USP46: variants seen among roughly 807,000 people sequenced by gnomAD.
The protein encoded by USP46 is ubiquitin carboxyl-terminal hydrolase 46.
USP46 carries 12 observed loss-of-function variants against 44.4 expected under a neutral mutation model. That is an observed-to-expected ratio of 0.27 (90% CI 0.17 to 0.44). The LOEUF is 0.44. USP46 is among the 20% of genes least tolerant of loss of function. USP46 has a pLI of 1.00. For missense variants in USP46, 248 were observed against 444.8 expected, an observed-to-expected ratio of 0.56 and a Z score of 3.98; for synonymous variants, 155 against 161.5, an observed-to-expected ratio of 0.96 and a Z score of 0.31.
At chr4:52,625,072 T>C (rs548588156) in intron 4 of USP46, among the ~76,000 whole-genome samples, 41 of 152,310 alleles carry the variant, frequency 2.7e-4, no homozygotes, top group Middle Eastern at 3.4e-3. Flanking sequence ...CTTATAGAAT[T>C]TTCCATACAA....
At position 52,610,634 on chromosome 4, in the gene USP46, A is replaced by C; in HGVS notation, c.562-17T>G. 1 of 1,612,176 alleles carries C rather than the reference A, an allele frequency of 6.2e-7. No homozygotes were observed. The highest frequency in any genetic ancestry group is 8.5e-7 in the Non-Finnish European group (1 of 1,178,562). On this transcript the variant is annotated splice_polypyrimidine_tract_variant and intron_variant, in intron 4 of 8. Transcript: ENST00000441222. The stretch of plus-strand genomic sequence containing the variant: ...GCTACTAACCTGAAACAAAAAACAG[A>C]AACAATATATTAGGCATGAAATATG...
intron 4 of USP46, among the ~76,000 whole-genome samples, chr4:52,611,566 G>A (rs948055582): frequency 6.6e-6 from 1 of 152,174 alleles, no homozygotes; most frequent in African/African-American, 2.4e-5. Context: ...ATTCAGAGAT[G>A]TGAATACACT....
In USP46 at chr4:52,591,758, G is replaced by C. The variant is rs145505334; in HGVS notation, c.*5882C>G. ...CCTTAAAAAGCAAACAAAGGCTGATGCACCAATAAATCGCTTATGCCCTAT... is the reference window on the plus strand; with the variant it reads ...CCTTAAAAAGCAAACAAAGGCTGATCCACCAATAAATCGCTTATGCCCTAT... On this transcript the variant is annotated 3_prime_UTR_variant, in exon 9 of 9. Coordinates refer to ENST00000441222, the MANE Select transcript of USP46 (RefSeq NM_022832.4). 44 of 152,250 alleles carry C rather than the reference G, an allele frequency of 2.9e-4. No individual in the cohort carries two copies. The highest frequency in any genetic ancestry group is 1.1e-3 in the African/African-American group (44 of 41,534). 9.4% of individuals were successfully genotyped at this position (152,250 alleles called of 1,614,324 possible). A position where few individuals can be genotyped will look rare whatever the true frequency, so the allele number is the denominator to read the frequency against.
intron 6 of USP46, 37 bp from the exon 7 acceptor site, chr4:52,602,091 A>G (rs1461339297): frequency 1.3e-6 from 2 of 1,590,136 alleles, no homozygotes; most frequent in South Asian, 2.3e-5. Flanking sequence ...GTTGTACCCA[A>G]CACCTATTAG....
chr4:52,607,942 GTATT>G (rs1469511084), intron 5 of USP46, among the ~76,000 whole-genome samples: 1 of 152,138 alleles, frequency 6.6e-6, no homozygotes, highest in African/African-American at 2.4e-5. Context: ...CCAATCTCGG[GTATT>G]TATTTATAGC....
intron 1 of USP46, among the ~76,000 whole-genome samples, chr4:52,632,111 G>C (rs999988700): frequency 6.6e-6 from 1 of 152,028 alleles, no homozygotes; most frequent in Non-Finnish European, 1.5e-5. Flanking sequence ...CCCATTGCAC[G>C]GACAAGGAAC....
chr4:52,631,918 A>T (rs1423168396), intron 1 of USP46, among the ~76,000 whole-genome samples: 3 of 152,022 alleles, frequency 2.0e-5, no homozygotes, highest in African/African-American at 7.2e-5. Flanking sequence ...AGACATGAGA[A>T]CTGCTTGAAC....
chr4:52,622,400 T>C (rs1000092592), intron 4 of USP46, among the ~76,000 whole-genome samples: 2 of 152,240 alleles, frequency 1.3e-5, no homozygotes, highest in Non-Finnish European at 2.9e-5. Flanking sequence ...GACCAGGCTT[T>C]ACTATAAATC....
rs66817554 is a variant in USP46, at chr4:52,609,898, C to CTTTTTTTTTTTTTTTTTTTTTTT, written c.638+620_638+642dup. 8.1e-5 allele frequency among the ~76,000 whole-genome samples: 2 copies of CTTTTTTTTTTTTTTTTTTTTTTT among 24,588 alleles called. 1 individual carries two copies. Among genetic ancestry groups the CTTTTTTTTTTTTTTTTTTTTTTT allele is most frequent in the Admixed American group, 1.0e-3 (2 of 1,950 alleles). 16.1% of individuals were successfully genotyped at this position (24,588 alleles called of 152,430 possible). ...GGAAACCTAAACCTCAATTCTATTT[C>CTTTTTTTTTTTTTTTTTTTTTTT]TTTTTTTTTTTTTTTTTTTTTTTTT... On this transcript the variant is annotated intron_variant, in intron 5 of 8. Coordinates refer to ENST00000441222, the MANE Select transcript of USP46 (RefSeq NM_022832.4).
intron 2 of USP46, among the ~76,000 whole-genome samples, chr4:52,630,255 A>T (rs1717768783): frequency 6.6e-6 from 1 of 152,160 alleles, no homozygotes; most frequent in African/African-American, 2.4e-5. Flanking sequence ...TGAGTGCAAA[A>T]AAAATGAGGC....
At chr4:52,632,840 A>C (rs537824586) in intron 1 of USP46, among the ~76,000 whole-genome samples, 217 of 150,526 alleles carry the variant, frequency 1.4e-3, no homozygotes, top group Middle Eastern at 0.014. Context: ...CAGAACAGAA[A>C]AAAAAAGAAA....
At chr4:52,632,984 G>GAAAGAAAGAAAGAAAGAAAGAAAGAAAGA (rs1175060206) in intron 1 of USP46, among the ~76,000 whole-genome samples, 1 of 52,536 alleles carries the variant, frequency 1.9e-5, no homozygotes, top group Non-Finnish European at 4.3e-5. Context: ...AAGAAAGAAA[G>GAAAGAAAGAAAGAAAGAAAGAAAGAAAGA]AAAAGAAAAG....
At position 52,601,813 on chromosome 4, in the gene USP46, C is replaced by T. The variant is rs185762611; in HGVS notation, c.920+44G>A. 1.2e-4 allele frequency: 184 copies of T among 1,589,028 alleles called. 1 individual carries two copies. In the East Asian group the frequency reaches 4.0e-3, roughly 35 times the overall value. On this transcript the variant is annotated intron_variant, in intron 7 of 8. Transcript: ENST00000441222. ...TGGGTATACTTCAGCGAAGAGGCAA[C>T]CCTTACACTTACCCTGTATACCTGC...
At chr4:52,611,590 A>G (rs1173226041) in intron 4 of USP46, among the ~76,000 whole-genome samples, 1 of 152,224 alleles carries the variant, frequency 6.6e-6, no homozygotes, top group African/African-American at 2.4e-5. Context: ...TTATACTTTT[A>G]GAAGTACAAA....
At chr4:52,630,978 T>C (rs1717801407) in intron 2 of USP46, 86 bp downstream of exon 2, 1 of 1,078,574 alleles carries the variant, frequency 9.3e-7, no homozygotes, top group Non-Finnish European at 1.4e-6. Context: ...CATTTAAAAA[T>C]TGGTAGTGAT....
intron 4 of USP46, among the ~76,000 whole-genome samples, chr4:52,617,220 A>T (rs1209539168): frequency 6.6e-6 from 1 of 152,204 alleles, no homozygotes; most frequent in Non-Finnish European, 1.5e-5. Context: ...TCTAATTTTT[A>T]AAAATAATCC....
Position 52,610,696 on chromosome 4 carries a change from C to A in USP46, c.562-79G>T. 13 of 1,338,846 alleles carry A rather than the reference C, an allele frequency of 9.7e-6. No homozygotes were observed. In the South Asian group the frequency reaches 1.6e-4, roughly 17 times the overall value. 82.9% of individuals were successfully genotyped at this position (1,338,846 alleles called of 1,614,324 possible). On this transcript the variant is annotated intron_variant, in intron 4 of 8. Transcript: ENST00000441222. ...ACTTTGAACATGTATAGGTAATCAC[C>A]GACTGCAATAAAAACCATAACTGCA...
chr4:52,633,006 G>GAAAAGAAAAGA (rs200143285), intron 1 of USP46, among the ~76,000 whole-genome samples: 2 of 118,988 alleles, frequency 1.7e-5, no homozygotes, highest in South Asian at 2.6e-4. Context: ...AAGAAAGAAA[G>GAAAAGAAAAGA]AAAGAAAGAA....
At chr4:52,647,890 G>A (rs1343033074) in intron 1 of USP46, among the ~76,000 whole-genome samples, 1 of 152,188 alleles carries the variant, frequency 6.6e-6, no homozygotes, top group Non-Finnish European at 1.5e-5. Context: ...TGGGATTTCT[G>A]AGTCCTAGCT....
Sources: gnomAD v4.1 joint callset for allele counts (sites outside exome capture counted in the v4.1 genomes callset) on GRCh38, gnomAD v4.1.1 for gene constraint, MANE v1.5 for transcripts, NCBI Gene and HGNC (gene_info 2026-07-23, HGNC 2026-07-21) for gene names.